Variants in VAV2 observed in about 807,000 individuals in gnomAD.
VAV2 encodes the protein guanine nucleotide exchange factor VAV2.
A neutral mutation model predicts 132.5 loss-of-function variants in VAV2; 67 were observed. The observed-to-expected ratio is 0.51, with a 90% CI of 0.42 to 0.62. VAV2 has a LOEUF of 0.62. Among genes scored for constraint, VAV2 ranks in the 20% least tolerant of loss-of-function variants. The pLI is 0.00. For synonymous variants in VAV2, 492 were observed against 443.5 expected, an observed-to-expected ratio of 1.11 and a Z score of -1.37; for missense variants, 938 against 1,153.6, an observed-to-expected ratio of 0.81 and a Z score of 2.71.
At chr9:133,979,734 G>A (rs1391923866) in intron 1 of VAV2, among the ~76,000 whole-genome samples, 7 of 152,164 alleles carry the variant, frequency 4.6e-5, no homozygotes, top group South Asian at 2.1e-4. Flanking sequence ...CCAGGGCCCC[G>A]AGCTCCCCAA....
rs368503042 is a variant in VAV2, at chr9:133,767,850, G to C, written c.2589+592C>G. Among the ~76,000 whole-genome samples, 15 of 152,336 alleles carry C rather than the reference G, an allele frequency of 9.8e-5. No homozygotes were observed. The South Asian group carries it at 3.1e-3, about 32-fold the overall frequency. On this transcript the variant is annotated intron_variant, in intron 29 of 29. Transcript: ENST00000371850. ...TCTGGTGCTTGGATGGATAGGTACT[G>C]AGAGACATGGGTCAAAGCTAGAGGT...
chr9:133,810,531 T>G (rs557629738), intron 5 of VAV2, among the ~76,000 whole-genome samples: 1 of 152,150 alleles, frequency 6.6e-6, no homozygotes, highest in African/African-American at 2.4e-5. Context: ...GGAGCAGCTG[T>G]TTTATCTCAG....
At chr9:133,861,198 G>A (rs570876272) in intron 3 of VAV2, 176 bp downstream of exon 3, 16 of 459,214 alleles carry the variant, frequency 3.5e-5, no homozygotes, top group South Asian at 1.3e-4. Flanking sequence ...GAAGCCTCCC[G>A]CCCCCCACAC....
Position 133,777,464 on chromosome 9 carries a change from C to T in VAV2, c.1891-1G>A. On this transcript the variant is annotated splice_acceptor_variant, in intron 22 of 29. Transcript: ENST00000371850. LOFTEE classifies it high-confidence loss of function. ...ACTTCCTGGTTTGTACCAGACGACC[C>T]TGGCAGAGGAAAGAGATGGTTAGGA... 6.2e-7 allele frequency: 1 copy of T among 1,613,592 alleles called. No individual in the cohort carries two copies. The highest frequency in any genetic ancestry group is 8.5e-7 in the Non-Finnish European group (1 of 1,179,978).
At chr9:133,942,354 TTGC>T (rs917976014) in intron 1 of VAV2, among the ~76,000 whole-genome samples, 3 of 152,228 alleles carry the variant, frequency 2.0e-5, no homozygotes, top group African/African-American at 7.2e-5. Context: ...GAAGGAGCTG[TTGC>T]TGCCACACAC....
intron 2 of VAV2, among the ~76,000 whole-genome samples, chr9:133,887,436 C>T (rs1223121359): frequency 1.3e-5 from 2 of 152,128 alleles, no homozygotes; most frequent in Non-Finnish European, 2.9e-5. Flanking sequence ...TAAGATCCTG[C>T]CCTAACTCTA....
In VAV2 at chr9:133,818,500, C is replaced by CATCCCACA. The variant is rs376092290; in HGVS notation, c.450-6292_450-6285dup. 9.8e-4 allele frequency among the ~76,000 whole-genome samples: 149 copies of CATCCCACA among 152,226 alleles called. 1 individual carries two copies. The highest frequency in any genetic ancestry group is 6.8e-3 in the Middle Eastern group (2 of 294). On this transcript the variant is annotated intron_variant, in intron 4 of 29. Transcript: ENST00000371850. Reference sequence around the variant, plus strand: ...TCCAGAACACACACCAGCACCTGCCCATCCCACACCAGGACTCAGGCCTTT... The same window carrying CATCCCACA: ...TCCAGAACACACACCAGCACCTGCCCATCCCACAATCCCACACCAGGACTCAGGCCTTT...
At chr9:133,921,501 G>GT (rs1175331031) in intron 2 of VAV2, among the ~76,000 whole-genome samples, 2 of 152,148 alleles carry the variant, frequency 1.3e-5, no homozygotes, top group East Asian at 3.9e-4. Flanking sequence ...AAGAAAGAAA[G>GT]TTGTGTCTCA....
At chr9:133,975,820 A>G (rs912927300) in intron 1 of VAV2, among the ~76,000 whole-genome samples, 1 of 152,096 alleles carries the variant, frequency 6.6e-6, no homozygotes, top group Non-Finnish European at 1.5e-5. Context: ...AACTTTCAAT[A>G]TTTGTCAGGA....
intron 2 of VAV2, among the ~76,000 whole-genome samples, chr9:133,886,857 A>AGGTC (rs1257366746): frequency 6.6e-6 from 1 of 152,230 alleles, no homozygotes; most frequent in Non-Finnish European, 1.5e-5. Context: ...CTGGGCTTAC[A>AGGTC]GGTCCCCTGG....
intron 7 of VAV2, among the ~76,000 whole-genome samples, chr9:133,808,650 C>T (rs908019957): frequency 6.6e-6 from 1 of 152,174 alleles, no homozygotes; most frequent in Non-Finnish European, 1.5e-5. Context: ...CCCATGGAAG[C>T]TTTGTTCCAT....
chr9:133,891,886 T>C (rs553876950), intron 2 of VAV2, among the ~76,000 whole-genome samples: 1 of 80,454 alleles, frequency 1.2e-5, no homozygotes, highest in Non-Finnish European at 2.5e-5. Flanking sequence ...GGGGATGGAG[T>C]TGGGAGAGGT....
At chr9:133,813,051 G>C (rs1835417787) in intron 4 of VAV2, among the ~76,000 whole-genome samples, 1 of 152,176 alleles carries the variant, frequency 6.6e-6, no homozygotes, top group Non-Finnish European at 1.5e-5. Context: ...ACCTGCTGGG[G>C]CTCAGCAAGT....
At position 133,768,682 on chromosome 9, in the gene VAV2, T is replaced by TC. The variant is rs1255491777; in HGVS notation, c.2435-87dup. 2.0e-6 allele frequency: 3 copies of TC among 1,500,258 alleles called. No homozygotes were observed. Among genetic ancestry groups the TC allele is most frequent in the Non-Finnish European group, 2.7e-6 (3 of 1,120,116 alleles). The allele number at this position is 1,500,258 out of a possible 1,614,324, so 92.9% of individuals were successfully genotyped here. A position where few individuals can be genotyped will look rare whatever the true frequency, so the allele number is the denominator to read the frequency against. ...AGGCCCTTGGGCCAAGCTGGGTCTC[T>TC]CCCCTGGTGCCCAGAACCCTGCTCT... is the stretch of plus-strand genomic sequence containing the variant. On this transcript the variant is annotated intron_variant, in intron 28 of 29. Transcript: ENST00000371850. This position sits in a 1 kb window ranked among gnomAD's most constrained non-coding sequence, Gnocchi z 5.3.
chr9:133,949,161 C>A (rs114196032), intron 1 of VAV2, among the ~76,000 whole-genome samples: 1 of 152,104 alleles, frequency 6.6e-6, no homozygotes, highest in Non-Finnish European at 1.5e-5. Context: ...CGACTCACAA[C>A]GCACTACACC....
intron 19 of VAV2, among the ~76,000 whole-genome samples, chr9:133,781,838 G>T (rs1426412616): frequency 6.6e-6 from 1 of 152,232 alleles, no homozygotes; most frequent in African/African-American, 2.4e-5. Context: ...GCCAGCCAGG[G>T]CGCTGCCAGG....
At chr9:133,783,674 C>T in intron 18 of VAV2, 83 bp from the exon 19 acceptor site, 1 of 1,216,600 alleles carries the variant, frequency 8.2e-7, no homozygotes, top group East Asian at 2.4e-5. Context: ...CCCTTGTCCC[C>T]ACCCAGGCTC....
chr9:133,866,868 G>T (rs994732744), intron 2 of VAV2, among the ~76,000 whole-genome samples: 1 of 151,994 alleles, frequency 6.6e-6, no homozygotes, highest in African/African-American at 2.4e-5. Flanking sequence ...TGATGGGGTG[G>T]TGTCTGTTTA....
rs149512989 is a variant in VAV2, at chr9:133,897,551, G to A, written c.322-36119C>T. ...TTCCTGTCTCCCCCAGCCCAGAGCT[G>A]AGCCCAGCTTCATCCATGGTGGTCA... is the stretch of plus-strand genomic sequence containing the variant. On this transcript the variant is annotated intron_variant, in intron 2 of 29. Transcript: ENST00000371850. Among the ~76,000 whole-genome samples, 450 of 152,244 alleles carry A rather than the reference G, an allele frequency of 3.0e-3. 4 individuals are homozygous for A. The highest frequency in any genetic ancestry group is 0.01 in the African/African-American group (425 of 41,494).
Sources: gnomAD v4.1 joint callset for allele counts (sites outside exome capture counted in the v4.1 genomes callset) on GRCh38, gnomAD v4.1.1 for gene constraint, Gnocchi (gnomAD v3.1) non-coding constraint, MANE v1.5 for transcripts, NCBI Gene and HGNC (gene_info 2026-07-23, HGNC 2026-07-21) for gene names.